Variants in MACROD2 observed in about 807,000 individuals in gnomAD.
The protein encoded by MACROD2 is mono-ADP ribosylhydrolase 2.
In MACROD2, 36 loss-of-function variants were observed where a neutral mutation model predicts 70.4. The ratio of observed to expected loss-of-function variants is 0.51; its 90% CI spans 0.39 to 0.68. The LOEUF (loss-of-function observed/expected upper bound fraction) is 0.68, where lower values mean the gene tolerates loss of function less well. MACROD2 is among the 30% of genes least tolerant of loss of function. The probability of loss-of-function intolerance (pLI) is 0.00; values close to 1 mark genes in which losing one functional copy is unlikely to be tolerated. For missense variants in MACROD2, 496 were observed against 538.4 expected (o/e 0.92, Z 0.78); for synonymous variants, 172 against 178.8 (o/e 0.96, Z 0.30).
intron 8 of MACROD2, among the ~76,000 whole-genome samples, chr20:15,677,081 A>G (rs2050067529): frequency 6.6e-6 from 1 of 152,238 alleles, no homozygotes; most frequent in South Asian, 2.1e-4. Flanking sequence ...GTGTGAAAAG[A>G]TAATTACTAG....
At position 14,084,188 on chromosome 20, in the gene MACROD2, A is replaced by AT. The variant is rs1218863064; in HGVS notation, c.164-1422dup. Among the ~76,000 whole-genome samples, 541 of 146,656 alleles carry AT rather than the reference A, an allele frequency of 3.7e-3. 2 individuals are homozygous for AT. The highest frequency in any genetic ancestry group is 0.012 in the African/African-American group (476 of 40,230). ...TAGATTATTTTCTAGTCTTGGCCAA[A>AT]TTTTTTTTTTTGGGGAGGGTGTATT... On this transcript the variant is annotated intron_variant, in intron 2 of 17. Transcript: ENST00000684519.
Position 14,980,809 on chromosome 20 carries a change from C to G in MACROD2, c.419-249131C>G, listed in dbSNP as rs539339798. Among the ~76,000 whole-genome samples, 3 of 152,214 alleles carry G rather than the reference C, an allele frequency of 2.0e-5. No individual in the cohort carries two copies. The South Asian group carries it at 6.2e-4, about 32-fold the overall frequency. On this transcript the variant is annotated intron_variant, in intron 5 of 17. Coordinates refer to ENST00000684519, the MANE Select transcript of MACROD2 (RefSeq NM_001351661.2). ...TGTTTTCTTGGTTCTCTCACTTACC[C>G]AGGATAATCAGGTCTTCAGCAAATC...
At chr20:14,400,203 T>C (rs1305135141) in intron 3 of MACROD2, among the ~76,000 whole-genome samples, 1 of 152,200 alleles carries the variant, frequency 6.6e-6, no homozygotes, top group Admixed American at 6.5e-5. Flanking sequence ...TAGGATTCAT[T>C]GGAGTTACTG....
chr20:14,887,579 C>G (rs2210045), intron 5 of MACROD2, among the ~76,000 whole-genome samples: 100,176 of 151,392 alleles, frequency 0.66, 33,427 homozygotes, highest in East Asian at 0.84. Context: ...GTGGAGACGG[C>G]GTTTCACCAT....
intron 5 of MACROD2, among the ~76,000 whole-genome samples, chr20:15,094,123 A>G (rs961824457): frequency 2.6e-5 from 4 of 152,204 alleles, no homozygotes; most frequent in African/African-American, 9.6e-5. Flanking sequence ...CAAATAAATC[A>G]CTTCCTTTAG....
intron 7 of MACROD2, among the ~76,000 whole-genome samples, chr20:15,485,763 T>A (rs530437181): frequency 6.6e-6 from 1 of 152,272 alleles, no homozygotes; most frequent in East Asian, 1.9e-4. Flanking sequence ...TTCTGTCTGT[T>A]TGAGGGAAAT....
Position 16,052,272 on chromosome 20 carries a change from T to A in MACROD2, c.*2396T>A, listed in dbSNP as rs1568740034. ...AATAGTGAAATATTAACAATCTAAC[T>A]ATAGCCAGATCAAAGACACCTGAAC... On this transcript the variant is annotated 3_prime_UTR_variant, in exon 18 of 18. Coordinates refer to ENST00000684519, the MANE Select transcript of MACROD2 (RefSeq NM_001351661.2). 6.6e-6 allele frequency: 1 copy of A among 152,236 alleles called. No individual in the cohort carries two copies. The highest frequency in any genetic ancestry group is 1.5e-5 in the Non-Finnish European group (1 of 68,038). The allele number at this position is 152,236 out of a possible 1,614,324, so 9.4% of individuals were successfully genotyped here.
chr20:15,807,828 C>T (rs1280952637), intron 8 of MACROD2, among the ~76,000 whole-genome samples: 1 of 151,808 alleles, frequency 6.6e-6, no homozygotes, highest in Admixed American at 6.6e-5. Context: ...GGGAGGAGAC[C>T]ACCCCTTATA....
chr20:15,730,647 C>G (rs2050934083), intron 8 of MACROD2, among the ~76,000 whole-genome samples: 1 of 151,924 alleles, frequency 6.6e-6, no homozygotes. Flanking sequence ...CTCAGAGAAT[C>G]TAATGATTGG....
rs115382654 is a variant in MACROD2, at chr20:14,673,734, C to T, written c.302-11109C>T. On this transcript the variant is annotated intron_variant, in intron 4 of 17. Transcript: ENST00000684519. ...AGGAGTTCGACACTAGCCTGACCAA[C>T]ATGGTAAAACCCCATCTTTACTAAA... Among the ~76,000 whole-genome samples, 689 of 151,864 alleles carry T rather than the reference C, an allele frequency of 4.5e-3. 3 individuals are homozygous for T. Among genetic ancestry groups the T allele is most frequent in the African/African-American group, 0.016 (667 of 41,320 alleles).
At chr20:15,966,075 A>G (rs1205104183) in intron 12 of MACROD2, among the ~76,000 whole-genome samples, 2 of 152,208 alleles carry the variant, frequency 1.3e-5, no homozygotes, top group African/African-American at 4.8e-5. Context: ...ACTTTCTCAT[A>G]ATATTCCAAG....
At chr20:15,388,742 T>C (rs1000188379) in intron 6 of MACROD2, among the ~76,000 whole-genome samples, 8 of 152,138 alleles carry the variant, frequency 5.3e-5, no homozygotes, top group Admixed American at 6.6e-5. Flanking sequence ...CTAGTCAAGT[T>C]AAAGTCAAAT....
chr20:14,244,856 T>A (rs2081956764), intron 3 of MACROD2, among the ~76,000 whole-genome samples: 1 of 152,158 alleles, frequency 6.6e-6, no homozygotes, highest in Non-Finnish European at 1.5e-5. Flanking sequence ...AAGATTAATC[T>A]GGTTACTAGC....
intron 5 of MACROD2, among the ~76,000 whole-genome samples, chr20:14,911,378 CT>C (rs1010918021): frequency 1.7e-4 from 26 of 151,970 alleles, no homozygotes; most frequent in Middle Eastern, 6.8e-3. Context: ...GCTCTGATCA[CT>C]TTTTTTCCCC....
rs576525536 is a variant in MACROD2, at chr20:15,953,967, T to C, written c.908-13586T>C. Among the ~76,000 whole-genome samples the C allele has an allele frequency of 5.3e-5, 8 of 152,282 alleles. No homozygotes were observed. In the East Asian group the frequency reaches 1.3e-3, roughly 26 times the overall value. On this transcript the variant is annotated intron_variant, in intron 12 of 17. Coordinates refer to ENST00000684519, the MANE Select transcript of MACROD2 (RefSeq NM_001351661.2). ...TTTTCTTGTGGCAGAAAACTAATTATATTTTTGATCTTGGAGTTCACACAT... is the reference window on the plus strand; with the variant it reads ...TTTTCTTGTGGCAGAAAACTAATTACATTTTTGATCTTGGAGTTCACACAT...
intron 5 of MACROD2, among the ~76,000 whole-genome samples, chr20:15,130,942 G>T (rs1022366465): frequency 6.6e-6 from 1 of 151,972 alleles, no homozygotes; most frequent in Non-Finnish European, 1.5e-5. Flanking sequence ...GCAGACCTTG[G>T]CATAAAATAA....
intron 3 of MACROD2, among the ~76,000 whole-genome samples, chr20:14,413,770 G>T (rs1568600959): frequency 6.6e-6 from 1 of 152,082 alleles, no homozygotes; most frequent in Admixed American, 6.6e-5. Context: ...CATGTACCAT[G>T]TGATGAAAAC....
intron 8 of MACROD2, among the ~76,000 whole-genome samples, chr20:15,586,574 C>T (rs774193232): frequency 6.6e-6 from 1 of 152,102 alleles, no homozygotes; most frequent in African/African-American, 2.4e-5. Context: ...CTCATGCTGA[C>T]CAGGAAAACA....
chr20:14,580,849 C>T (rs1414808718), intron 4 of MACROD2, among the ~76,000 whole-genome samples: 1 of 152,136 alleles, frequency 6.6e-6, no homozygotes, highest in African/African-American at 2.4e-5. Context: ...GTAATGAATA[C>T]TTTGGGGGCA....
Sources: allele counts gnomAD v4.1 joint callset (sites outside exome capture counted in the v4.1 genomes callset), GRCh38; gene constraint gnomAD v4.1.1; transcripts MANE v1.5; gene names NCBI Gene and HGNC (gene_info 2026-07-23, HGNC 2026-07-21).